Variants in B3GALT1 observed in about 807,000 individuals in gnomAD.
B3GALT1 encodes the protein UDP-Gal:betaGlcNAc beta 1,3-galactosyltransferase, polypeptide 1.
In B3GALT1, 10 loss-of-function variants were observed where a neutral mutation model predicts 23.2. The observed-to-expected ratio is 0.43, with a 90% confidence interval of 0.27 to 0.73. The LOEUF is 0.73. B3GALT1 is among the 30% of genes least tolerant of loss of function. The pLI is 0.21. For missense variants in B3GALT1, 299 were observed against 405.4 expected (o/e 0.74, Z 2.25); for synonymous variants, 156 against 141.5 (o/e 1.10, Z -0.73).
At chr2:167,776,285 C>G (rs1688160640) in intron 3 of B3GALT1, among the ~76,000 whole-genome samples, 1 of 152,144 alleles carries the variant, frequency 6.6e-6, no homozygotes, top group African/African-American at 2.4e-5. Context: ...AGGAAACTTC[C>G]ACACTATTTT....
At chr2:167,804,988 G>C (rs1453401807) in intron 3 of B3GALT1, among the ~76,000 whole-genome samples, 5 of 152,164 alleles carry the variant, frequency 3.3e-5, no homozygotes, top group Non-Finnish European at 7.4e-5. Context: ...TCCAGCACCT[G>C]TTGTTTCCTG....
At chr2:167,715,085 T>G (rs1687122587) in intron 3 of B3GALT1, 2 of 1,613,028 alleles carry the variant, frequency 1.2e-6, no homozygotes, top group Non-Finnish European at 8.5e-7. Flanking sequence ...TTCTAAGGCT[T>G]TTAAAGAAAC....
At chr2:167,778,139 C>T (rs1042199776) in intron 3 of B3GALT1, among the ~76,000 whole-genome samples, 4 of 152,070 alleles carry the variant, frequency 2.6e-5, no homozygotes, top group African/African-American at 9.7e-5. Flanking sequence ...ATGCAAAGTG[C>T]CACAAATAGT....
intron 2 of B3GALT1, among the ~76,000 whole-genome samples, chr2:167,577,951 C>T (rs1391348358): frequency 1.3e-5 from 2 of 151,908 alleles, no homozygotes; most frequent in Non-Finnish European, 2.9e-5. Context: ...AGACACTTAA[C>T]TTGTCAAGTT....
chr2:167,349,928 A>T (rs1697284173), intron 1 of B3GALT1, among the ~76,000 whole-genome samples: 1 of 152,212 alleles, frequency 6.6e-6, no homozygotes, highest in Non-Finnish European at 1.5e-5. Flanking sequence ...ATGTTGAGGA[A>T]TGTAACCCCA....
chr2:167,315,725 C>G (rs1696705668), intron 1 of B3GALT1, among the ~76,000 whole-genome samples: 1 of 152,206 alleles, frequency 6.6e-6, no homozygotes, highest in Non-Finnish European at 1.5e-5. Context: ...CTCCATCTCA[C>G]AGACCTGACT....
At chr2:167,854,355 G>C (rs1689960245) in intron 4 of B3GALT1, among the ~76,000 whole-genome samples, 1 of 152,116 alleles carries the variant, frequency 6.6e-6, no homozygotes, top group South Asian at 2.1e-4. Flanking sequence ...GGCTTGACCT[G>C]GATTTATTAA....
chr2:167,571,209 G>A (rs1574145763), intron 2 of B3GALT1, among the ~76,000 whole-genome samples: 1 of 151,786 alleles, frequency 6.6e-6, no homozygotes, highest in Non-Finnish European at 1.5e-5. Context: ...TAATCATTTT[G>A]GGAATCTGCC....
intron 3 of B3GALT1, among the ~76,000 whole-genome samples, chr2:167,742,401 G>A (rs1406874442): frequency 5.9e-5 from 9 of 152,114 alleles, no homozygotes; most frequent in Non-Finnish European, 1.3e-4. Flanking sequence ...TGAGAGATGA[G>A]AAATATTTGT....
At chr2:167,551,212 A>T (rs889275832) in intron 2 of B3GALT1, among the ~76,000 whole-genome samples, 16 of 152,216 alleles carry the variant, frequency 1.1e-4, no homozygotes, top group African/African-American at 3.9e-4. Context: ...AGTTTTGGTG[A>T]ACAGCTAGCC....
intron 1 of B3GALT1, among the ~76,000 whole-genome samples, chr2:167,297,336 ATTC>A (rs1352021679): frequency 2.0e-5 from 3 of 151,886 alleles, no homozygotes; most frequent in African/African-American, 4.8e-5. Flanking sequence ...TGTAATGAGA[ATTC>A]TTCTTTCTCT....
chr2:167,772,016 C>A (rs1411268420), intron 3 of B3GALT1, among the ~76,000 whole-genome samples: 1 of 152,064 alleles, frequency 6.6e-6, no homozygotes, highest in Non-Finnish European at 1.5e-5. Context: ...TTTTAAAATA[C>A]CAGAAACTTT....
intron 2 of B3GALT1, among the ~76,000 whole-genome samples, chr2:167,513,160 A>T (rs989036296): frequency 3.3e-5 from 5 of 151,584 alleles, no homozygotes; most frequent in Non-Finnish European, 7.4e-5. Context: ...AAGTTAAATG[A>T]CACATGAAGA....
intron 2 of B3GALT1, among the ~76,000 whole-genome samples, chr2:167,588,355 C>T (rs147642271): frequency 6.6e-6 from 1 of 152,226 alleles, no homozygotes; most frequent in African/African-American, 2.4e-5. Context: ...AAATAAGGTA[C>T]TAGTATAGAT....
chr2:167,522,946 A>G (rs188133726), intron 2 of B3GALT1, among the ~76,000 whole-genome samples: 1 of 152,258 alleles, frequency 6.6e-6, no homozygotes, highest in Non-Finnish European at 1.5e-5. Flanking sequence ...CCCTGTAAGT[A>G]CTTCAGAAGA....
intron 2 of B3GALT1, among the ~76,000 whole-genome samples, chr2:167,618,424 T>C (rs890049130): frequency 2.6e-5 from 4 of 152,036 alleles, no homozygotes; most frequent in Non-Finnish European, 5.9e-5. Context: ...TTCTGAACCT[T>C]TTGAGAGTAC....
chr2:167,401,001 A>C (rs1157970500), intron 1 of B3GALT1, among the ~76,000 whole-genome samples: 1 of 152,084 alleles, frequency 6.6e-6, no homozygotes, highest in African/African-American at 2.4e-5. Context: ...CAGATATGTA[A>C]TCAGCTTAAT....
intron 1 of B3GALT1, among the ~76,000 whole-genome samples, chr2:167,386,967 T>C (rs1697938104): frequency 6.6e-6 from 1 of 151,862 alleles, no homozygotes; most frequent in African/African-American, 2.4e-5. Flanking sequence ...CCTTGGTTGC[T>C]TTAGGGCTCT....
intron 1 of B3GALT1, among the ~76,000 whole-genome samples, chr2:167,364,309 G>C (rs1018628607): frequency 5.3e-5 from 8 of 149,742 alleles, no homozygotes; most frequent in Non-Finnish European, 8.9e-5. Flanking sequence ...ATAGCAAGGT[G>C]TTCTCATACT....
Sources: gnomAD v4.1 joint callset for allele counts (sites outside exome capture counted in the v4.1 genomes callset) on GRCh38, gnomAD v4.1.1 for gene constraint, MANE v1.5 for transcripts, NCBI Gene and HGNC (gene_info 2026-07-23, HGNC 2026-07-21) for gene names.